MMD2: variants seen among roughly 807,000 people sequenced by gnomAD.
MMD2 encodes the protein monocyte to macrophage differentiation associated 2, also known as monocyte to macrophage differentiation factor 2.
MMD2 carries 30 observed loss-of-function variants against 33.5 expected under a neutral mutation model. That is an observed-to-expected ratio of 0.90 (90% confidence interval 0.67 to 1.22). The LOEUF is 1.22. Ranked by LOEUF, MMD2 falls within the 50% of genes most tolerant of loss-of-function variation. MMD2 has a pLI of 0.00. For synonymous variants in MMD2, 129 were observed against 123.0 expected, an observed-to-expected ratio of 1.05 and a Z score of -0.32; for missense variants, 364 against 325.4, an observed-to-expected ratio of 1.12 and a Z score of -0.91.
chr7:4,944,752 TTCTTCTTC>T (rs1786004785), intron 1 of MMD2, among the ~76,000 whole-genome samples: 1 of 137,718 alleles, frequency 7.3e-6, no homozygotes, highest in Non-Finnish European at 1.5e-5. Context: ...TTTCTTCTTC[TTCTTCTTC>T]TTTTTTTTTT....
chr7:4,932,981 CTT>C (rs60873210), intron 1 of MMD2, among the ~76,000 whole-genome samples: 25 of 145,308 alleles, frequency 1.7e-4, no homozygotes, highest in South Asian at 4.4e-4. Context: ...GTTTTACAGC[CTT>C]TTTTTTTTTT....
intron 1 of MMD2, among the ~76,000 whole-genome samples, chr7:4,928,390 C>A (rs552939301): frequency 6.6e-6 from 1 of 151,602 alleles, no homozygotes. Flanking sequence ...CTGGAACATT[C>A]GCTGAGCACC....
At chr7:4,924,939 G>C (rs1785382908) in intron 2 of MMD2, among the ~76,000 whole-genome samples, 2 of 151,922 alleles carry the variant, frequency 1.3e-5, no homozygotes, top group African/African-American at 2.4e-5. Flanking sequence ...TTTTTTGTTT[G>C]TTTGTTTTTG....
chr7:4,914,771 A>G (rs566688224), intron 4 of MMD2, among the ~76,000 whole-genome samples: 9 of 152,238 alleles, frequency 5.9e-5, no homozygotes, highest in African/African-American at 1.9e-4. Context: ...TCTCTACTAA[A>G]AATACAAAAA....
intron 4 of MMD2, 125 bp downstream of exon 4, chr7:4,915,880 C>T (rs901504327): frequency 4.2e-5 from 35 of 826,208 alleles, no homozygotes; most frequent in Middle Eastern, 2.4e-4. Context: ...AAAAGGGTGG[C>T]GGGAAGCTTT....
At position 4,906,726 on chromosome 7, in the gene MMD2, C is replaced by A. The variant is rs1784875352; in HGVS notation, c.*670G>T. 7.6e-6 allele frequency: 3 copies of A among 394,662 alleles called. No homozygotes were observed. Among genetic ancestry groups the A allele is most frequent in the Middle Eastern group, 6.3e-4 (1 of 1,586 alleles). 24.4% of individuals were successfully genotyped at this position (394,662 alleles called of 1,614,324 possible). ...AGATGAGGAGATAGGCATGCAAATG[C>A]CCATTTGGAGATTTTCAGCTACTCT... On this transcript the variant is annotated 3_prime_UTR_variant, in exon 7 of 7. Transcript: ENST00000401401.
At chr7:4,939,735 T>G (rs1022305883) in intron 1 of MMD2, among the ~76,000 whole-genome samples, 16 of 136,004 alleles carry the variant, frequency 1.2e-4, no homozygotes, top group South Asian at 4.9e-4. Context: ...TATTTCTTTC[T>G]TTCTTTCTTT....
At chr7:4,925,748 A>T (rs1343902685) in intron 1 of MMD2, among the ~76,000 whole-genome samples, 2 of 152,038 alleles carry the variant, frequency 1.3e-5, no homozygotes, top group Non-Finnish European at 2.9e-5. Context: ...TTTGTGCCTA[A>T]TCCCCAATGC....
intron 1 of MMD2, among the ~76,000 whole-genome samples, chr7:4,931,278 T>C (rs950623016): frequency 6.6e-6 from 1 of 152,084 alleles, no homozygotes; most frequent in African/African-American, 2.4e-5. Context: ...CCCGAGTAGC[T>C]GGGACTACAG....
chr7:4,931,897 A>G (rs957170881), intron 1 of MMD2, among the ~76,000 whole-genome samples: 1 of 152,094 alleles, frequency 6.6e-6, no homozygotes, highest in African/African-American at 2.4e-5. Context: ...CTCTGCCCAA[A>G]AGCCCTCCAG....
chr7:4,935,868 G>A (rs1489142466), intron 1 of MMD2, among the ~76,000 whole-genome samples: 1 of 151,860 alleles, frequency 6.6e-6, no homozygotes, highest in Non-Finnish European at 1.5e-5. Context: ...GCAACTACCT[G>A]TGCATTTATA....
chr7:4,925,790 G>A (rs1051059232), intron 1 of MMD2, among the ~76,000 whole-genome samples: 1 of 152,068 alleles, frequency 6.6e-6, no homozygotes, highest in Non-Finnish European at 1.5e-5. Context: ...CTAAATGCTA[G>A]ATAAGGCATT....
At chr7:4,929,485 A>G (rs1009554119) in intron 1 of MMD2, among the ~76,000 whole-genome samples, 3 of 152,000 alleles carry the variant, frequency 2.0e-5, no homozygotes, top group African/African-American at 7.3e-5. Flanking sequence ...CCTGTGGCCA[A>G]GACTGGCTTA....
In MMD2 at chr7:4,907,582, G is replaced by A; in HGVS notation, c.555C>T (p.Ile185=). The A allele has an allele frequency of 6.2e-7, 1 of 1,612,580 alleles. No individual in the cohort carries two copies. The highest frequency in any genetic ancestry group is 8.5e-7 in the Non-Finnish European group (1 of 1,179,804). ...AGACCCCTCCGGTCACCAGCTCCCA[G>A]ATGCCCTCGGTGTTGGGCTGTCGGC... The part of the protein sequence containing the change: ...VILSMPNTEG[I]WELVTGGVFY... Residue 185 remains isoleucine (I), a synonymous_variant, in exon 7 of 7, where the codon ATC becomes ATT. Transcript: ENST00000401401.
chr7:4,908,745 T>A lies in MMD2; in HGVS notation c.537+1136A>T, dbSNP rs12538824. On this transcript the variant is annotated intron_variant, in intron 6 of 6. Transcript: ENST00000401401. ...AACCCCATCTCTACTAAAAATACAA[T>A]AATTAGCCGAGAGTGGTGGCACGCG... is the stretch of plus-strand genomic sequence containing the variant. 8.0e-3 allele frequency among the ~76,000 whole-genome samples: 1,205 copies of A among 151,394 alleles called. 25 individuals are homozygous for A. Among genetic ancestry groups the A allele is most frequent in the African/African-American group, 0.027 (1,137 of 41,384 alleles).
rs1006607148 is a variant in MMD2, at chr7:4,946,075, G to A, written c.47+12896C>T. ...TGGGGCAAAATGCACACACTCACAC[G>A]CACGCACACGCACGCACACACACGC... On this transcript the variant is annotated intron_variant, in intron 1 of 6. Coordinates refer to ENST00000401401, the MANE Select transcript of MMD2 (RefSeq NM_198403.4). This position sits in a 1 kb window ranked among gnomAD's most constrained non-coding sequence, Gnocchi z 5.0. Among the ~76,000 whole-genome samples the A allele has an allele frequency of 2.0e-5, 3 of 151,286 alleles. No homozygotes were observed. The South Asian group carries it at 6.3e-4, about 32-fold the overall frequency.
At chr7:4,923,369 G>T (rs1168323431) in intron 2 of MMD2, among the ~76,000 whole-genome samples, 1 of 152,116 alleles carries the variant, frequency 6.6e-6, no homozygotes, top group African/African-American at 2.4e-5. Context: ...CACCCAAAGT[G>T]CTGGGATTAC....
intron 1 of MMD2, among the ~76,000 whole-genome samples, chr7:4,947,692 C>CTTTT (rs71033002): frequency 5.6e-5 from 2 of 35,838 alleles, no homozygotes; most frequent in Non-Finnish European, 9.7e-5. Flanking sequence ...TGCACCTGGC[C>CTTTT]TTTTTTTTTT....
intron 1 of MMD2, among the ~76,000 whole-genome samples, chr7:4,941,726 G>A (rs1027738689): frequency 2.0e-5 from 3 of 151,450 alleles, no homozygotes; most frequent in Non-Finnish European, 4.4e-5. Context: ...TTTAGGTTCA[G>A]GGGTACATGT....
Sources: allele counts gnomAD v4.1 joint callset (sites outside exome capture counted in the v4.1 genomes callset), GRCh38; gene constraint gnomAD v4.1.1; non-coding constraint Gnocchi (gnomAD v3.1); transcripts MANE v1.5; gene names NCBI Gene and HGNC (gene_info 2026-07-23, HGNC 2026-07-21).